Variants in CA1 observed in about 807,000 individuals in gnomAD.
The protein encoded by CA1 is carbonate dehydratase I.
A neutral mutation model predicts 28.8 loss-of-function variants in CA1; 27 were observed. That is an observed-to-expected ratio of 0.94 (90% CI 0.69 to 1.29). The LOEUF (loss-of-function observed/expected upper bound fraction) is 1.29. Among genes scored for constraint, CA1 ranks in the 50% most tolerant of loss-of-function variants. The probability of loss-of-function intolerance (pLI) is 0.00; values close to 1 mark genes in which losing one functional copy is unlikely to be tolerated. For missense variants in CA1, 335 were observed against 310.5 expected (o/e 1.08, Z -0.59); for synonymous variants, 121 against 108.8 (o/e 1.11, Z -0.70).
intron 1 of CA1, among the ~76,000 whole-genome samples, chr8:85,350,715 A>G (rs902992829): frequency 6.6e-6 from 1 of 152,164 alleles, no homozygotes; most frequent in African/African-American, 2.4e-5. Context: ...GTTCGAGTCA[A>G]TAACGCTTTT....
intron 1 of CA1, among the ~76,000 whole-genome samples, chr8:85,355,782 A>C (rs1809583128): frequency 6.6e-6 from 1 of 151,858 alleles, no homozygotes; most frequent in African/African-American, 2.4e-5. Flanking sequence ...TTTTGTTTTA[A>C]TGTAACTTGA....
rs1180941828 is a variant in CA1, at chr8:85,374,667, C to T, written c.-25+3379G>A. Among the ~76,000 whole-genome samples the T allele has an allele frequency of 2.0e-5, 3 of 152,178 alleles. No individual in the cohort carries two copies. In the East Asian group the frequency reaches 5.8e-4, roughly 29 times the overall value. ...CTGGATGATTGAAATTATTTTCCCTCGATTAGCTCTGTCTCTGTGCATTTC... is the reference window on the plus strand; with the variant it reads ...CTGGATGATTGAAATTATTTTCCCTTGATTAGCTCTGTCTCTGTGCATTTC... On this transcript the variant is annotated intron_variant, in intron 1 of 7. Transcript: ENST00000523022.
At chr8:85,344,672 A>G (rs1809106294) in intron 1 of CA1, among the ~76,000 whole-genome samples, 2 of 152,104 alleles carry the variant, frequency 1.3e-5, no homozygotes, top group Admixed American at 6.6e-5. Flanking sequence ...TTGTACTTAG[A>G]AAATAACTCT....
intron 1 of CA1, among the ~76,000 whole-genome samples, chr8:85,355,190 G>T (rs1809557206): frequency 6.6e-6 from 1 of 152,118 alleles, no homozygotes; most frequent in Non-Finnish European, 1.5e-5. Flanking sequence ...GAGAAATGCA[G>T]CCAGTCAGGG....
At chr8:85,340,229 T>C (rs1808859053) in intron 2 of CA1, among the ~76,000 whole-genome samples, 1 of 152,202 alleles carries the variant, frequency 6.6e-6, no homozygotes, top group African/African-American at 2.4e-5. Flanking sequence ...CTGTTGACTT[T>C]AAGTTGAAGC....
intron 1 of CA1, among the ~76,000 whole-genome samples, chr8:85,346,360 T>C (rs762412369): frequency 7.2e-5 from 11 of 152,244 alleles, no homozygotes; most frequent in Admixed American, 6.5e-5. Context: ...TTGTATCTTA[T>C]CTTCTATAAC....
chr8:85,346,692 C>T (rs1585936558), intron 1 of CA1, among the ~76,000 whole-genome samples: 1 of 151,910 alleles, frequency 6.6e-6, no homozygotes, highest in South Asian at 2.1e-4. Context: ...AACCCGGGAG[C>T]CAGAGGTTGC....
At position 85,371,968 on chromosome 8, in the gene CA1, A is replaced by G. The variant is rs1222786832; in HGVS notation, c.-25+6078T>C. On this transcript the variant is annotated intron_variant, in intron 1 of 7. Transcript: ENST00000523022. ...CTATGCTGGGTGTTGAGGACAGAAG[A>G]TGAGTGAGGAGCTCATAATGTTGTA... is the stretch of plus-strand genomic sequence containing the variant. 2.6e-5 allele frequency among the ~76,000 whole-genome samples: 4 copies of G among 152,208 alleles called. No homozygotes were observed. In the East Asian group the frequency reaches 7.7e-4, roughly 29 times the overall value.
At chr8:85,355,247 G>A (rs569793929) in intron 1 of CA1, among the ~76,000 whole-genome samples, 1 of 152,242 alleles carries the variant, frequency 6.6e-6, no homozygotes, top group African/African-American at 2.4e-5. Flanking sequence ...AGCTGCAAAG[G>A]AAGAACTGGT....
chr8:85,372,347 T>G (rs1585972337), intron 1 of CA1, among the ~76,000 whole-genome samples: 1 of 152,078 alleles, frequency 6.6e-6, no homozygotes, highest in African/African-American at 2.4e-5. Flanking sequence ...TGTGGAGAAA[T>G]GAGAACCCTT....
At chr8:85,338,042 A>T in intron 3 of CA1, 1 of 686,842 alleles carries the variant, frequency 1.5e-6, no homozygotes, top group South Asian at 1.5e-5. Flanking sequence ...GACTTTGAGA[A>T]GCAAGACTGA....
intron 1 of CA1, among the ~76,000 whole-genome samples, chr8:85,354,449 G>T (rs1809530822): frequency 6.6e-6 from 1 of 152,064 alleles, no homozygotes; most frequent in South Asian, 2.1e-4. Flanking sequence ...TCCAGAAAAA[G>T]TGCTAAGACA....
intron 3 of CA1, among the ~76,000 whole-genome samples, chr8:85,337,743 C>T (rs1367735309): frequency 2.0e-5 from 3 of 152,148 alleles, no homozygotes; most frequent in African/African-American, 7.2e-5. Flanking sequence ...ATCAGTAGAA[C>T]TGTTTTATGG....
chr8:85,361,759 T>G (rs1304052112), intron 1 of CA1, among the ~76,000 whole-genome samples: 1 of 152,172 alleles, frequency 6.6e-6, no homozygotes, highest in African/African-American at 2.4e-5. Context: ...TCAGTGGGGC[T>G]TACTATGTGG....
chr8:85,360,966 C>T (rs539081949), intron 1 of CA1, among the ~76,000 whole-genome samples: 6 of 152,318 alleles, frequency 3.9e-5, no homozygotes, highest in South Asian at 2.1e-4. Context: ...GGGGAGACCA[C>T]GCTCCTGTAG....
intron 6 of CA1, among the ~76,000 whole-genome samples, chr8:85,331,755 GC>G (rs1808416193): frequency 6.6e-6 from 1 of 152,058 alleles, no homozygotes; most frequent in South Asian, 2.1e-4. Context: ...ACCACACCCG[GC>G]CATCATTTTT....
intron 5 of CA1, 142 bp downstream of exon 5, chr8:85,333,383 C>CTATT: frequency 1.6e-6 from 1 of 613,354 alleles, no homozygotes. Flanking sequence ...TACTAGGGAA[C>CTATT]TATTTGTTCA....
intron 2 of CA1, among the ~76,000 whole-genome samples, chr8:85,339,626 A>C (rs1808832096): frequency 6.6e-6 from 1 of 152,230 alleles, no homozygotes; most frequent in Non-Finnish European, 1.5e-5. Flanking sequence ...CTCAGTGAAG[A>C]AGGCATGTCA....
In CA1 at chr8:85,329,712, T is replaced by A. The variant is rs758669286; in HGVS notation, c.646A>T (p.Ser216Cys). The change falls in exon 7 of 8, where the codon AGC becomes TGC. Residue 216 changes from serine (S) to cysteine (C), a missense_variant. Physicochemically the swap from Ser to Cys is moderately radical, Grantham distance 112 (BLOSUM62 -1). Coordinates refer to ENST00000523022, the MANE Select transcript of CA1 (RefSeq NM_001128831.4). Reference protein sequence around the residue: ...ESVTWIICKESISVSSEQLAQ... With the variant: ...ESVTWIICKECISVSSEQLAQ... ...ACCTGCTCTGAGCTGACACTGATGC[T>A]CTCCTTACAGATGATCCAAGTTACA... The A allele has an allele frequency of 1.9e-6, 3 of 1,611,024 alleles. No homozygotes were observed. The highest frequency in any genetic ancestry group is 3.3e-5 in the Admixed American group (2 of 59,730).
Sources: gnomAD v4.1 joint callset for allele counts (sites outside exome capture counted in the v4.1 genomes callset) on GRCh38, gnomAD v4.1.1 for gene constraint, MANE v1.5 for transcripts, NCBI Gene and HGNC (gene_info 2026-07-23, HGNC 2026-07-21) for gene names.